The following CCSER2 variants were observed in gnomAD, a reference collection of about 807,000 sequenced individuals.
CCSER2 encodes the protein coiled-coil serine rich protein 2.
A neutral mutation model predicts 92.3 loss-of-function variants in CCSER2; 46 were observed. That is an observed-to-expected ratio of 0.50 (90% CI 0.39 to 0.64). The LOEUF (loss-of-function observed/expected upper bound fraction) is 0.64. Ranked by LOEUF, CCSER2 falls within the 30% of genes least tolerant of loss-of-function variation. The pLI is 0.00. For missense variants in CCSER2, 1,244 were observed against 1,238.9 expected (o/e 1.00, Z -0.06); for synonymous variants, 433 against 431.4 (o/e 1.00, Z -0.04).
intron 1 of CCSER2, among the ~76,000 whole-genome samples, chr10:84,341,415 C>T (rs1844179792): frequency 6.8e-6 from 1 of 146,590 alleles, no homozygotes; most frequent in South Asian, 2.1e-4. Context: ...AAACTCCTAG[C>T]CTCAAGTGAT....
At chr10:84,329,698 G>C (rs1046858723) in intron 1 of CCSER2, among the ~76,000 whole-genome samples, 1 of 152,122 alleles carries the variant, frequency 6.6e-6, no homozygotes, top group East Asian at 1.9e-4. Flanking sequence ...GATGGCAGCT[G>C]CTCTTTAACC....
intron 7 of CCSER2, among the ~76,000 whole-genome samples, chr10:84,467,691 A>G (rs1455834143): frequency 2.0e-5 from 3 of 152,102 alleles, no homozygotes; most frequent in Admixed American, 6.6e-5. Flanking sequence ...AAATTCACAC[A>G]TATTCCTCTT....
intron 9 of CCSER2, among the ~76,000 whole-genome samples, chr10:84,502,435 G>A (rs1020553614): frequency 2.1e-5 from 3 of 145,098 alleles, no homozygotes; most frequent in African/African-American, 7.6e-5. Context: ...GCAGTGGCCA[G>A]ATCTCAGCTC....
At chr10:84,336,202 C>T (rs1843827574) in intron 1 of CCSER2, among the ~76,000 whole-genome samples, 1 of 152,100 alleles carries the variant, frequency 6.6e-6, no homozygotes, top group South Asian at 2.1e-4. Context: ...TTCCTTCAAT[C>T]CTGGCTTAGA....
intron 1 of CCSER2, 77 bp from the exon 2 acceptor site, chr10:84,370,933 TGTAA>T (rs901409261): frequency 2.5e-5 from 16 of 630,316 alleles, no homozygotes; most frequent in African/African-American, 9.4e-5. Flanking sequence ...CGTATAAAAG[TGTAA>T]GTATCATATT....
chr10:84,376,886 T>G (rs147453167), intron 3 of CCSER2, among the ~76,000 whole-genome samples: 2 of 152,244 alleles, frequency 1.3e-5, no homozygotes, highest in Non-Finnish European at 2.9e-5. Context: ...ATTTTGTGGG[T>G]ATAGTAGTAT....
At chr10:84,506,666 C>T (rs1420335118) in intron 9 of CCSER2, among the ~76,000 whole-genome samples, 8 of 152,082 alleles carry the variant, frequency 5.3e-5, no homozygotes, top group Admixed American at 3.3e-4. Flanking sequence ...TGGTGGCAGG[C>T]GCCTGTAATA....
chr10:84,391,529 C>G (rs1841519174), intron 3 of CCSER2: 6 of 1,506,872 alleles, frequency 4.0e-6, no homozygotes, highest in Non-Finnish European at 5.5e-6. Context: ...CAACCCAAAT[C>G]CAGAATTCAT....
At chr10:84,440,932 T>C (rs1844495223) in intron 6 of CCSER2, among the ~76,000 whole-genome samples, 1 of 152,264 alleles carries the variant, frequency 6.6e-6, no homozygotes, top group Non-Finnish European at 1.5e-5. Context: ...CATTGTGTTT[T>C]GCCTGTTTTT....
intron 6 of CCSER2, among the ~76,000 whole-genome samples, chr10:84,460,941 G>GT (rs1359704309): frequency 4.0e-5 from 6 of 151,816 alleles, no homozygotes; most frequent in Non-Finnish European, 8.8e-5. Flanking sequence ...ATTTGTTTGT[G>GT]TTTTTTAATT....
chr10:84,499,431 G>A (rs1285190317), intron 9 of CCSER2, among the ~76,000 whole-genome samples: 3 of 152,046 alleles, frequency 2.0e-5, no homozygotes, highest in East Asian at 1.9e-4. Flanking sequence ...CACTGCACCC[G>A]GCCGAAATAA....
chr10:84,490,315 G>C (rs561313153), intron 9 of CCSER2, among the ~76,000 whole-genome samples: 197 of 152,250 alleles, frequency 1.3e-3, no homozygotes, highest in African/African-American at 4.6e-3. Context: ...AGTTCTCCTG[G>C]ATAATATCTT....
At chr10:84,456,674 G>A (rs1011945534) in intron 6 of CCSER2, among the ~76,000 whole-genome samples, 1 of 152,056 alleles carries the variant, frequency 6.6e-6, no homozygotes, top group African/African-American at 2.4e-5. Context: ...TGTTTTCCTT[G>A]GTGACTATAT....
chr10:84,494,958 A>G (rs1010196682), intron 9 of CCSER2, among the ~76,000 whole-genome samples: 3 of 150,988 alleles, frequency 2.0e-5, no homozygotes, highest in Non-Finnish European at 2.9e-5. Context: ...TGGTTACACC[A>G]CAAAACTGCT....
intron 9 of CCSER2, among the ~76,000 whole-genome samples, chr10:84,487,863 A>T (rs1233541497): frequency 6.6e-6 from 1 of 152,218 alleles, no homozygotes; most frequent in Middle Eastern, 3.2e-3. Context: ...TGAGTATGAT[A>T]TTGGCTGTGG....
chr10:84,506,476 A>G (rs1849050183), intron 9 of CCSER2, among the ~76,000 whole-genome samples: 1 of 152,214 alleles, frequency 6.6e-6, no homozygotes, highest in Non-Finnish European at 1.5e-5. Context: ...AGATCAGATT[A>G]TACCTTTAGT....
intron 5 of CCSER2, among the ~76,000 whole-genome samples, chr10:84,428,971 TTG>T (rs1843598276): frequency 8.2e-6 from 1 of 122,460 alleles, no homozygotes; most frequent in Admixed American, 8.9e-5. Context: ...AAGATTTTTT[TTG>T]TGTGTGTATG....
intron 1 of CCSER2, among the ~76,000 whole-genome samples, chr10:84,360,001 A>T (rs1440599153): frequency 6.6e-6 from 1 of 151,966 alleles, no homozygotes; most frequent in Non-Finnish European, 1.5e-5. Flanking sequence ...TTTAGTAGAG[A>T]TGGGGTTTCA....
intron 1 of CCSER2, among the ~76,000 whole-genome samples, chr10:84,331,199 C>G (rs1191091128): frequency 6.6e-6 from 1 of 152,194 alleles, no homozygotes; most frequent in Non-Finnish European, 1.5e-5. Context: ...TATCTCCTGA[C>G]CTCATCATTG....
Sources: gnomAD v4.1 joint callset for allele counts (sites outside exome capture counted in the v4.1 genomes callset) on GRCh38, gnomAD v4.1.1 for gene constraint, MANE v1.5 for transcripts, NCBI Gene and HGNC (gene_info 2026-07-23, HGNC 2026-07-21) for gene names.